The following MEIS1 variants were observed in gnomAD, a reference collection of about 807,000 sequenced individuals.
MEIS1 encodes Meis homeobox 1.
MEIS1 carries 5 observed loss-of-function variants against 50.8 expected under a neutral mutation model. The ratio of observed to expected loss-of-function variants is 0.10; its 90% CI spans 0.05 to 0.21. The LOEUF is 0.21. Ranked by LOEUF, MEIS1 falls within the 10% of genes least tolerant of loss-of-function variation. The probability of loss-of-function intolerance (pLI) is 1.00; values close to 1 mark genes in which losing one functional copy is unlikely to be tolerated. For missense variants in MEIS1, 318 were observed against 517.3 expected, an observed-to-expected ratio of 0.61 and a Z score of 3.74; for synonymous variants, 176 against 179.3, an observed-to-expected ratio of 0.98 and a Z score of 0.15.
At chr2:66,542,586 A>C (rs1358247883) in intron 8 of MEIS1, among the ~76,000 whole-genome samples, 1 of 152,076 alleles carries the variant, frequency 6.6e-6, no homozygotes. Flanking sequence ...TTCTACCTCT[A>C]TTGCTTTGTT....
chr2:66,494,815 T>A (rs913075849), intron 7 of MEIS1, among the ~76,000 whole-genome samples: 3 of 152,112 alleles, frequency 2.0e-5, no homozygotes, highest in African/African-American at 7.2e-5. Context: ...CTCAGCAAAT[T>A]GAGTCACTTC....
At chr2:66,490,658 T>C (rs1673249793) in intron 7 of MEIS1, among the ~76,000 whole-genome samples, 1 of 152,072 alleles carries the variant, frequency 6.6e-6, no homozygotes, top group Admixed American at 6.5e-5. Flanking sequence ...CAATATGATC[T>C]GGGTTGTGAT....
intron 6 of MEIS1, among the ~76,000 whole-genome samples, chr2:66,444,581 C>T (rs1186082048): frequency 6.6e-6 from 1 of 152,228 alleles, no homozygotes; most frequent in Non-Finnish European, 1.5e-5. Flanking sequence ...TAGTCCATTG[C>T]ACAGAACACG....
At chr2:66,472,431 A>G (rs950642445) in intron 7 of MEIS1, among the ~76,000 whole-genome samples, 1 of 152,244 alleles carries the variant, frequency 6.6e-6, no homozygotes, top group African/African-American at 2.4e-5. Context: ...CAAGTCATCA[A>G]AAATAGATTA....
intron 6 of MEIS1, among the ~76,000 whole-genome samples, chr2:66,447,285 A>C (rs1401961030): frequency 6.6e-6 from 1 of 152,232 alleles, no homozygotes; most frequent in Non-Finnish European, 1.5e-5. Context: ...ATTTGTATAC[A>C]TCTTATTTAA....
At chr2:66,518,871 A>T (rs920034066) in intron 8 of MEIS1, among the ~76,000 whole-genome samples, 5 of 152,212 alleles carry the variant, frequency 3.3e-5, no homozygotes, top group Non-Finnish European at 7.3e-5. Flanking sequence ...TTTATAAAAG[A>T]TTCCAGTGTT....
At chr2:66,541,360 T>C (rs1185641809) in intron 8 of MEIS1, among the ~76,000 whole-genome samples, 4 of 152,212 alleles carry the variant, frequency 2.6e-5, no homozygotes, top group African/African-American at 9.6e-5. Flanking sequence ...TGGTCTCTTA[T>C]AATTGGCTAT....
At chr2:66,510,924 A>T (rs1673813277) in intron 7 of MEIS1, among the ~76,000 whole-genome samples, 1 of 152,160 alleles carries the variant, frequency 6.6e-6, no homozygotes. Flanking sequence ...TGTGCAGGAA[A>T]CTTGTCTTAC....
intron 8 of MEIS1, among the ~76,000 whole-genome samples, chr2:66,525,085 C>T (rs1297929641): frequency 2.6e-5 from 4 of 151,926 alleles, no homozygotes; most frequent in South Asian, 2.1e-4. Flanking sequence ...TGGCGGGGCA[C>T]GCTTGTAGTC....
At chr2:66,472,468 G>C (rs984559778) in intron 7 of MEIS1, among the ~76,000 whole-genome samples, 1 of 152,216 alleles carries the variant, frequency 6.6e-6, no homozygotes, top group South Asian at 2.1e-4. Context: ...CAGGTACTCT[G>C]TGTGAGCTAT....
intron 8 of MEIS1, among the ~76,000 whole-genome samples, chr2:66,542,738 A>G (rs1445759526): frequency 6.6e-6 from 1 of 152,182 alleles, no homozygotes; most frequent in African/African-American, 2.4e-5. Flanking sequence ...TTCTGCTGCC[A>G]TTACAATGTG....
At chr2:66,475,556 G>A (rs1398872525) in intron 7 of MEIS1, among the ~76,000 whole-genome samples, 1 of 152,004 alleles carries the variant, frequency 6.6e-6, no homozygotes, top group Non-Finnish European at 1.5e-5. Flanking sequence ...CTAGAAATAG[G>A]TATTAATTTG....
intron 7 of MEIS1, among the ~76,000 whole-genome samples, chr2:66,507,750 C>T (rs763375166): frequency 2.0e-5 from 3 of 152,186 alleles, no homozygotes; most frequent in Non-Finnish European, 4.4e-5. Context: ...CATTGAATGG[C>T]CTGAATACGA....
At position 66,572,656 on chromosome 2, in the gene MEIS1, G is replaced by C. The variant is rs1002881556; in HGVS notation, c.*1448G>C. On this transcript the variant is annotated 3_prime_UTR_variant, in exon 13 of 13. Coordinates refer to ENST00000272369, the MANE Select transcript of MEIS1 (RefSeq NM_002398.3). ...TTGCACACTGAGTCTTAGCGTTTCT[G>C]ATGGAAACAGTTTGGATTGTATAAT... is the stretch of plus-strand genomic sequence containing the variant. The C allele has an allele frequency of 3.9e-5, 6 of 152,124 alleles. No homozygotes were observed. The highest frequency in any genetic ancestry group is 8.8e-5 in the Non-Finnish European group (6 of 68,022). The allele number at this position is 152,124 out of a possible 1,614,324, so 9.4% of individuals were successfully genotyped here.
chr2:66,549,532 A>G lies in MEIS1; in HGVS notation c.965+1513A>G, dbSNP rs543451838. On this transcript the variant is annotated intron_variant, in intron 9 of 12. Coordinates refer to ENST00000272369, the MANE Select transcript of MEIS1 (RefSeq NM_002398.3). ...TGAAATTTCAAATATGTAATATTTG[A>G]AATATAATATCCTGGATGATATTAT... Among the ~76,000 whole-genome samples, 5 of 152,264 alleles carry G rather than the reference A, an allele frequency of 3.3e-5. No individual in the cohort carries two copies. The South Asian group carries it at 1.0e-3, about 32-fold the overall frequency.
In MEIS1 at chr2:66,435,916, A is replaced by G. The variant is rs1317273059; in HGVS notation, c.12+48A>G. 2.6e-6 allele frequency: 4 copies of G among 1,524,672 alleles called. No individual in the cohort carries two copies. In the African/African-American group the frequency reaches 5.7e-5, roughly 22 times the overall value. 94.4% of individuals were successfully genotyped at this position (1,524,672 alleles called of 1,614,324 possible). A position where few individuals can be genotyped will look rare whatever the true frequency, so the allele number is the denominator to read the frequency against. On this transcript the variant is annotated intron_variant, in intron 1 of 12. Coordinates refer to ENST00000272369, the MANE Select transcript of MEIS1 (RefSeq NM_002398.3). Reference sequence around the variant, plus strand: ...GGAACTCAAATGTGAGATTAAATTGAAACGTGGCCGAAAGACACTGCTAAA... The same window carrying G: ...GGAACTCAAATGTGAGATTAAATTGGAACGTGGCCGAAAGACACTGCTAAA...
intron 7 of MEIS1, among the ~76,000 whole-genome samples, chr2:66,497,446 AGTACT>A (rs1018448331): frequency 6.6e-6 from 1 of 152,250 alleles, no homozygotes; most frequent in African/African-American, 2.4e-5. Flanking sequence ...GTTAGTTTTT[AGTACT>A]GTTTCTATTA....
intron 7 of MEIS1, among the ~76,000 whole-genome samples, chr2:66,507,763 A>G (rs1175700475): frequency 6.6e-6 from 1 of 152,158 alleles, no homozygotes; most frequent in African/African-American, 2.4e-5. Flanking sequence ...GAATACGATA[A>G]ATGCCGCTTT....
At chr2:66,542,474 AT>A (rs146871411) in intron 8 of MEIS1, among the ~76,000 whole-genome samples, 19,461 of 152,216 alleles carry the variant, frequency 0.13, 1,841 homozygotes, top group African/African-American at 0.26. Context: ...GATAAGGCTT[AT>A]ATTGGACAGT....
Sources: gnomAD v4.1 joint callset for allele counts (sites outside exome capture counted in the v4.1 genomes callset) on GRCh38, gnomAD v4.1.1 for gene constraint, MANE v1.5 for transcripts, NCBI Gene and HGNC (gene_info 2026-07-23, HGNC 2026-07-21) for gene names.